The following CSMD1 variants were observed in gnomAD, a reference collection of about 807,000 sequenced individuals.
CSMD1 encodes the protein CUB and sushi domain-containing protein 1.
A neutral mutation model predicts 417.5 loss-of-function variants in CSMD1; 213 were observed. That is an observed-to-expected ratio of 0.51 (90% CI 0.46 to 0.57). CSMD1 has a LOEUF of 0.57. CSMD1 is among the 20% of genes least tolerant of loss of function. The pLI, the probability that CSMD1 is intolerant of heterozygous loss-of-function variation, is 0.00. For missense variants in CSMD1, 6,923 were observed against 4,529.7 expected (o/e 1.53, Z -15.17); for synonymous variants, 2,862 against 1,736.8 (o/e 1.65, Z -16.11).
chr8:3,262,976 GTAT>G (rs1238221687), intron 26 of CSMD1, among the ~76,000 whole-genome samples: 1 of 152,158 alleles, frequency 6.6e-6, no homozygotes, highest in Non-Finnish European at 1.5e-5. Context: ...TATTCAAGAA[GTAT>G]TATGGACATT....
intron 10 of CSMD1, among the ~76,000 whole-genome samples, chr8:3,532,477 G>C (rs1057036524): frequency 2.6e-5 from 4 of 152,030 alleles, no homozygotes; most frequent in African/African-American, 7.3e-5. Context: ...TCCTTGCCTG[G>C]TTTTTACCTC....
At chr8:3,230,979 T>C (rs1159725415) in intron 26 of CSMD1, among the ~76,000 whole-genome samples, 2 of 152,134 alleles carry the variant, frequency 1.3e-5, no homozygotes, top group African/African-American at 2.4e-5. Context: ...TATCAGTTTC[T>C]GGTAATCATG....
At chr8:3,545,185 G>C (rs901175955) in intron 10 of CSMD1, among the ~76,000 whole-genome samples, 1 of 152,158 alleles carries the variant, frequency 6.6e-6, no homozygotes, top group Non-Finnish European at 1.5e-5. Flanking sequence ...ACTTAGCAAA[G>C]AGCAGGAGGT....
At chr8:3,899,680 C>A (rs1008471974) in intron 5 of CSMD1, among the ~76,000 whole-genome samples, 3 of 152,154 alleles carry the variant, frequency 2.0e-5, no homozygotes, top group Non-Finnish European at 4.4e-5. Flanking sequence ...TTGTTATAAT[C>A]TGGGCTAAAT....
intron 1 of CSMD1, among the ~76,000 whole-genome samples, chr8:4,955,664 C>G (rs1308656433): frequency 6.6e-6 from 1 of 152,108 alleles, no homozygotes; most frequent in Non-Finnish European, 1.5e-5. Flanking sequence ...CCATATTGGC[C>G]AGGCTGGTCT....
At chr8:4,919,180 G>A (rs926601064) in intron 1 of CSMD1, among the ~76,000 whole-genome samples, 1 of 152,148 alleles carries the variant, frequency 6.6e-6, no homozygotes, top group African/African-American at 2.4e-5. Context: ...TTAAAATCCT[G>A]TAAAACTGAA....
chr8:4,078,892 AATAAATATAT>A (rs1229722441), intron 3 of CSMD1, among the ~76,000 whole-genome samples: 2 of 91,706 alleles, frequency 2.2e-5, no homozygotes, highest in African/African-American at 1.1e-4. Flanking sequence ...TAATAATAAT[AATAAATATAT>A]ATATATATAT....
intron 3 of CSMD1, among the ~76,000 whole-genome samples, chr8:4,289,309 G>C (rs866384736): frequency 1.3e-5 from 2 of 152,178 alleles, no homozygotes; most frequent in Admixed American, 1.3e-4. Flanking sequence ...TTATATATGA[G>C]ATTGCTATCA....
chr8:4,191,694 T>C (rs1030043591), intron 3 of CSMD1, among the ~76,000 whole-genome samples: 30 of 151,320 alleles, frequency 2.0e-4, no homozygotes, highest in African/African-American at 6.8e-4. Context: ...TCTTTGTGCC[T>C]TTACCAAATA....
intron 3 of CSMD1, among the ~76,000 whole-genome samples, chr8:4,190,991 ATAC>A (rs1313546080): frequency 1.3e-5 from 2 of 152,082 alleles, no homozygotes; most frequent in African/African-American, 2.4e-5. Context: ...GGACAAATGG[ATAC>A]TAGACTTAGT....
intron 23 of CSMD1, among the ~76,000 whole-genome samples, chr8:3,315,440 G>GTGTGTGTC (rs1563263759): frequency 2.3e-5 from 2 of 86,270 alleles, no homozygotes; most frequent in South Asian, 5.7e-4. Flanking sequence ...TGAAGTGAGT[G>GTGTGTGTC]TGTGTGTGTG....
intron 5 of CSMD1, among the ~76,000 whole-genome samples, chr8:3,827,290 C>A (rs942712656): frequency 6.6e-6 from 1 of 152,122 alleles, no homozygotes; most frequent in Non-Finnish European, 1.5e-5. Flanking sequence ...ATTTGAACCA[C>A]ATGTGGTTAG....
At chr8:2,955,966 C>G (rs937019803) in intron 63 of CSMD1, among the ~76,000 whole-genome samples, 198 bp from the exon 64 acceptor site, 1 of 151,818 alleles carries the variant, frequency 6.6e-6, no homozygotes, top group Non-Finnish European at 1.5e-5. Context: ...TGCTAGAACT[C>G]CTGACCTCAA....
At chr8:4,286,474 T>C (rs1193009954) in intron 3 of CSMD1, among the ~76,000 whole-genome samples, 1 of 152,138 alleles carries the variant, frequency 6.6e-6, no homozygotes, top group African/African-American at 2.4e-5. Flanking sequence ...ATTGTGCCTC[T>C]TCATTTTAAT....
At chr8:4,778,997 A>G (rs17071305) in intron 1 of CSMD1, among the ~76,000 whole-genome samples, 14,209 of 152,250 alleles carry the variant, frequency 0.093, 885 homozygotes, top group East Asian at 0.33. Flanking sequence ...TGGGTGTTTA[A>G]CAGTATAGGT....
intron 10 of CSMD1, among the ~76,000 whole-genome samples, chr8:3,572,723 T>C (rs1799995001): frequency 6.6e-6 from 1 of 152,192 alleles, no homozygotes; most frequent in Admixed American, 6.5e-5. Flanking sequence ...CGATCACATC[T>C]CAATCCCTTT....
chr8:4,954,134 A>G (rs749200038), intron 1 of CSMD1, among the ~76,000 whole-genome samples: 2 of 152,214 alleles, frequency 1.3e-5, no homozygotes, highest in South Asian at 2.1e-4. Flanking sequence ...TAAATGCCAA[A>G]GAGTAGGTTC....
At chr8:4,487,818 G>C (rs1657131848) in intron 2 of CSMD1, among the ~76,000 whole-genome samples, 1 of 94,588 alleles carries the variant, frequency 1.1e-5, no homozygotes, top group Admixed American at 1.0e-4. Context: ...AGGCAAGAGA[G>C]AGATAACAAG....
intron 1 of CSMD1, among the ~76,000 whole-genome samples, chr8:4,672,521 G>A (rs1420833125): frequency 6.6e-6 from 1 of 152,108 alleles, no homozygotes; most frequent in Non-Finnish European, 1.5e-5. Context: ...AAGGATCTTT[G>A]GTGAAATATG....
Sources: allele counts gnomAD v4.1 joint callset (sites outside exome capture counted in the v4.1 genomes callset), GRCh38; gene constraint gnomAD v4.1.1; transcripts MANE v1.5; gene names NCBI Gene and HGNC (gene_info 2026-07-23, HGNC 2026-07-21).